Variants in PDE4B observed in about 807,000 individuals in gnomAD.
PDE4B encodes the protein 3',5'-cyclic-AMP phosphodiesterase 4B.
PDE4B carries 20 observed loss-of-function variants against 82.2 expected under a neutral mutation model. That is an observed-to-expected ratio of 0.24 (90% CI 0.17 to 0.35). The LOEUF is 0.35. PDE4B is among the 10% of genes least tolerant of loss of function. PDE4B has a pLI of 1.00. For synonymous variants in PDE4B, 320 were observed against 318.9 expected (o/e 1.00, Z -0.04); for missense variants, 655 against 907.2 (o/e 0.72, Z 3.57).
chr1:65,863,253 A>G (rs1018454068), intron 1 of PDE4B, among the ~76,000 whole-genome samples: 5 of 151,752 alleles, frequency 3.3e-5, no homozygotes, highest in Non-Finnish European at 7.4e-5. Context: ...CCTTAATTTC[A>G]TTATCTACCC....
At chr1:66,064,582 C>T (rs1655745301) in intron 3 of PDE4B, among the ~76,000 whole-genome samples, 1 of 151,970 alleles carries the variant, frequency 6.6e-6, no homozygotes, top group Non-Finnish European at 1.5e-5. Context: ...GTGGAGCTTC[C>T]TCCTTAGCCC....
intron 1 of PDE4B, among the ~76,000 whole-genome samples, chr1:65,843,576 T>C (rs760629976): frequency 1.3e-5 from 2 of 152,194 alleles, no homozygotes; most frequent in Non-Finnish European, 2.9e-5. Context: ...TAAACTTGAG[T>C]TTCTTAATGT....
At chr1:66,148,040 A>G (rs1167604193) in intron 3 of PDE4B, among the ~76,000 whole-genome samples, 2 of 152,000 alleles carry the variant, frequency 1.3e-5, no homozygotes, top group Non-Finnish European at 2.9e-5. Flanking sequence ...GGAGGTGGAG[A>G]TAGATGGATT....
rs138508957 is a variant in PDE4B, at chr1:66,277,629, C to T, written c.634+11542C>T. ...CAGGCTGGTCTTCAACTCCTAACCT[C>T]GTGATCTGCGTGCCTCGGCCTCCCA... On this transcript the variant is annotated intron_variant, in intron 7 of 16. Transcript: ENST00000341517. 3.9e-3 allele frequency among the ~76,000 whole-genome samples: 600 copies of T among 152,262 alleles called. 4 individuals are homozygous for T. The highest frequency in any genetic ancestry group is 0.013 in the African/African-American group (553 of 41,550).
At chr1:66,316,709 A>G (rs1659053891) in intron 7 of PDE4B, among the ~76,000 whole-genome samples, 1 of 152,262 alleles carries the variant, frequency 6.6e-6, no homozygotes, top group Non-Finnish European at 1.5e-5. Context: ...ATACTGCATT[A>G]GACACTGCAT....
At chr1:66,116,435 A>G (rs1391701265) in intron 3 of PDE4B, among the ~76,000 whole-genome samples, 1 of 152,138 alleles carries the variant, frequency 6.6e-6, no homozygotes, top group African/African-American at 2.4e-5. Flanking sequence ...CTCCCACCAC[A>G]CACATCCTGG....
intron 3 of PDE4B, among the ~76,000 whole-genome samples, chr1:66,146,450 C>T (rs910858695): frequency 2.6e-5 from 4 of 152,102 alleles, no homozygotes; most frequent in Non-Finnish European, 4.4e-5. Flanking sequence ...TCCCAAAGTG[C>T]TGGGATTACA....
At chr1:65,822,292 G>A (rs532940563) in intron 1 of PDE4B, among the ~76,000 whole-genome samples, 5 of 152,056 alleles carry the variant, frequency 3.3e-5, no homozygotes, top group Non-Finnish European at 5.9e-5. Flanking sequence ...TCCCGTGAAT[G>A]GATATTAAGA....
At chr1:65,794,542 G>A (rs1645609863) in intron 1 of PDE4B, among the ~76,000 whole-genome samples, 1 of 152,096 alleles carries the variant, frequency 6.6e-6, no homozygotes, top group Admixed American at 6.5e-5. Flanking sequence ...TTCACTGCAG[G>A]TAAAGGAAGT....
At chr1:66,325,121 A>G (rs1183111511) in intron 7 of PDE4B, among the ~76,000 whole-genome samples, 2 of 152,192 alleles carry the variant, frequency 1.3e-5, no homozygotes, top group African/African-American at 4.8e-5. Flanking sequence ...GCACTATGGG[A>G]AGGAACCGAA....
intron 1 of PDE4B, among the ~76,000 whole-genome samples, chr1:65,835,218 C>G (rs1297776470): frequency 1.3e-5 from 2 of 152,120 alleles, no homozygotes; most frequent in African/African-American, 4.8e-5. Flanking sequence ...CCTGCTTTGG[C>G]TGTTTCATAG....
intron 7 of PDE4B, among the ~76,000 whole-genome samples, chr1:66,291,879 A>G (rs1244780957): frequency 6.6e-6 from 1 of 151,936 alleles, no homozygotes; most frequent in Non-Finnish European, 1.5e-5. Context: ...ATTTGTGAGT[A>G]TACTGATAAT....
chr1:66,315,120 A>G (rs1658940105), intron 7 of PDE4B, among the ~76,000 whole-genome samples: 1 of 152,234 alleles, frequency 6.6e-6, no homozygotes, highest in Admixed American at 6.5e-5. Context: ...TCATCTATAA[A>G]TTAATGATAA....
chr1:66,256,563 G>A (rs1654245801), intron 4 of PDE4B, among the ~76,000 whole-genome samples: 1 of 152,136 alleles, frequency 6.6e-6, no homozygotes, highest in Non-Finnish European at 1.5e-5. Flanking sequence ...GAAGAAAAAG[G>A]TGGAAATAAA....
chr1:66,229,927 T>C (rs1651811295), intron 3 of PDE4B, among the ~76,000 whole-genome samples: 1 of 152,198 alleles, frequency 6.6e-6, no homozygotes, highest in South Asian at 2.1e-4. Flanking sequence ...CTATTCAAAC[T>C]CAGGTCTGCC....
chr1:66,114,440 T>G (rs1331528932), intron 3 of PDE4B, among the ~76,000 whole-genome samples: 1 of 152,076 alleles, frequency 6.6e-6, no homozygotes, highest in African/African-American at 2.4e-5. Flanking sequence ...AATTTTCAAA[T>G]AAAAGTCAAA....
At chr1:66,097,215 C>G (rs1182487327) in intron 3 of PDE4B, among the ~76,000 whole-genome samples, 1 of 152,026 alleles carries the variant, frequency 6.6e-6, no homozygotes, top group African/African-American at 2.4e-5. Context: ...TACATCTCCA[C>G]TAGTAATGTA....
chr1:66,297,566 C>T (rs79650450), intron 7 of PDE4B, among the ~76,000 whole-genome samples: 2 of 152,034 alleles, frequency 1.3e-5, no homozygotes, highest in African/African-American at 4.8e-5. Context: ...AGCGGTTTTA[C>T]CTTGCTTTTA....
chr1:66,022,568 G>A (rs1039469446), intron 3 of PDE4B, among the ~76,000 whole-genome samples: 6 of 152,124 alleles, frequency 3.9e-5, no homozygotes, highest in Admixed American at 2.0e-4. Context: ...TGATAATCAT[G>A]TGGTTTTTGT....
Sources: allele counts gnomAD v4.1 joint callset (sites outside exome capture counted in the v4.1 genomes callset), GRCh38; gene constraint gnomAD v4.1.1; transcripts MANE v1.5; gene names NCBI Gene and HGNC (gene_info 2026-07-23, HGNC 2026-07-21).